Variants in DOCK5 observed in about 807,000 individuals in gnomAD.
DOCK5 encodes the protein dedicator of cytokinesis 5, also known as dedicator of cytokinesis protein 5.
A neutral mutation model predicts 251.8 loss-of-function variants in DOCK5; 142 were observed. The ratio of observed to expected loss-of-function variants is 0.56; its 90% CI spans 0.49 to 0.65. DOCK5 has a LOEUF of 0.65. Ranked by LOEUF, DOCK5 falls within the 30% of genes least tolerant of loss-of-function variation. DOCK5 has a pLI of 0.00. For synonymous variants in DOCK5, 842 were observed against 835.5 expected, an observed-to-expected ratio of 1.01 and a Z score of -0.13; for missense variants, 2,111 against 2,312.3, an observed-to-expected ratio of 0.91 and a Z score of 1.79.
intron 13 of DOCK5, 74 bp downstream of exon 13, chr8:25,310,606 A>G: frequency 2.0e-6 from 3 of 1,480,766 alleles, no homozygotes; most frequent in Non-Finnish European, 2.7e-6. Context: ...GGTGGAGGCA[A>G]CTTGGATCCA....
intron 6 of DOCK5, among the ~76,000 whole-genome samples, chr8:25,295,970 C>T (rs1480521365): frequency 6.6e-6 from 1 of 152,058 alleles, no homozygotes; most frequent in Non-Finnish European, 1.5e-5. Context: ...CAGGCGTGTG[C>T]TACTACACCT....
At chr8:25,408,238 A>G in intron 49 of DOCK5, 84 bp downstream of exon 49, 1 of 1,405,728 alleles carries the variant, frequency 7.1e-7, no homozygotes, top group Non-Finnish European at 9.5e-7. Flanking sequence ...ATCCCCTCCC[A>G]GATTGAAGCT....
chr8:25,222,019 C>T (rs951642449), intron 1 of DOCK5, among the ~76,000 whole-genome samples: 1 of 152,158 alleles, frequency 6.6e-6, no homozygotes. Context: ...TTTTCTCCTG[C>T]TGTCAGCCCT....
intron 13 of DOCK5, among the ~76,000 whole-genome samples, chr8:25,312,889 C>T (rs780064594): frequency 1.1e-4 from 16 of 152,096 alleles, no homozygotes; most frequent in Admixed American, 2.0e-4. Context: ...GAGATCATGC[C>T]GCTGCACTCC....
rs1396618421 is a variant in DOCK5 at position 25,336,103 on chromosome 8, C to G, written c.2193-136C>G. The G allele has an allele frequency of 3.2e-6, 3 of 948,224 alleles. No individual in the cohort carries two copies. In the East Asian group the frequency reaches 8.0e-5, roughly 25 times the overall value. The allele number at this position is 948,224 out of a possible 1,614,324, so 58.7% of individuals were successfully genotyped here. A position where few individuals can be genotyped will look rare whatever the true frequency, so the allele number is the denominator to read the frequency against. On this transcript the variant is annotated intron_variant, in intron 21 of 51. Coordinates refer to ENST00000276440, the MANE Select transcript of DOCK5 (RefSeq NM_024940.8). ...TTGGAAAAGAGTTAATTTTGCTGTT[C>G]AGGGCATATTCTAGAAGATATAATT...
intron 27 of DOCK5, among the ~76,000 whole-genome samples, chr8:25,353,604 C>T (rs1385873013): frequency 6.6e-6 from 1 of 151,858 alleles, no homozygotes; most frequent in Non-Finnish European, 1.5e-5. Flanking sequence ...GGGAATAAAA[C>T]CTAAAATCTA....
At chr8:25,217,079 A>G (rs1802266280) in intron 1 of DOCK5, among the ~76,000 whole-genome samples, 2 of 147,942 alleles carry the variant, frequency 1.4e-5, no homozygotes, top group Admixed American at 6.8e-5. Context: ...ATATATGTAT[A>G]TATAATATGT....
intron 11 of DOCK5, chr8:25,304,528 A>T: frequency 2.0e-6 from 1 of 493,434 alleles, no homozygotes; most frequent in Non-Finnish European, 3.6e-6. Flanking sequence ...GGTAAACTGA[A>T]CTTTCCTGAT....
intron 45 of DOCK5, among the ~76,000 whole-genome samples, chr8:25,396,686 C>T (rs958935714): frequency 2.0e-5 from 3 of 151,834 alleles, no homozygotes; most frequent in South Asian, 2.1e-4. Flanking sequence ...CCTGTGGAGC[C>T]GCCTGGAGAG....
intron 1 of DOCK5, among the ~76,000 whole-genome samples, chr8:25,205,029 T>TA (rs1301445008): frequency 6.6e-6 from 1 of 150,994 alleles, no homozygotes; most frequent in African/African-American, 2.4e-5. Context: ...TAGTGCTTTT[T>TA]TTAAAAAAAA....
chr8:25,325,841 C>T (rs911271074), intron 18 of DOCK5, among the ~76,000 whole-genome samples: 2 of 152,142 alleles, frequency 1.3e-5, no homozygotes, highest in African/African-American at 4.8e-5. Flanking sequence ...ATTCAAAAGC[C>T]GTATGTTCCC....
At chr8:25,233,197 ACTTATCTGTTTCT>A (rs1277132790) in intron 1 of DOCK5, among the ~76,000 whole-genome samples, 1 of 152,022 alleles carries the variant, frequency 6.6e-6, no homozygotes, top group Non-Finnish European at 1.5e-5. Context: ...TGTAGACTTC[ACTTATCTGTTTCT>A]CTCCTCTCAG....
chr8:25,268,838 C>CT lies in DOCK5; in HGVS notation c.128-6dup, dbSNP rs1229586380. Reference sequence around the variant, plus strand: ...AAAATATTTTGTGTTCTCTTTTGCTCTGACAGGTTGGTACAGAGGATATAC... The same window carrying CT: ...AAAATATTTTGTGTTCTCTTTTGCTCTTGACAGGTTGGTACAGAGGATATAC... On this transcript the variant is annotated splice_region_variant and splice_polypyrimidine_tract_variant and intron_variant, in intron 2 of 51. Coordinates refer to ENST00000276440, the MANE Select transcript of DOCK5 (RefSeq NM_024940.8). 15 of 1,574,722 alleles carry CT rather than the reference C, an allele frequency of 9.5e-6. No individual in the cohort carries two copies. Among genetic ancestry groups the CT allele is most frequent in the Non-Finnish European group, 1.3e-5 (15 of 1,161,222 alleles).
At chr8:25,348,829 C>G (rs1036752613) in intron 26 of DOCK5, among the ~76,000 whole-genome samples, 13 of 146,004 alleles carry the variant, frequency 8.9e-5, no homozygotes, top group Admixed American at 2.0e-4. Context: ...CAGAGCGAGA[C>G]TCTGTCTCAA....
chr8:25,227,424 T>G (rs1802558734), intron 1 of DOCK5, among the ~76,000 whole-genome samples: 1 of 152,244 alleles, frequency 6.6e-6, no homozygotes, highest in South Asian at 2.1e-4. Context: ...TTAAATCATT[T>G]GTCCTGCTAA....
chr8:25,324,896 GTTTGGTTT>G (rs1805523131), intron 17 of DOCK5, among the ~76,000 whole-genome samples: 1 of 149,144 alleles, frequency 6.7e-6, no homozygotes, highest in Non-Finnish European at 1.5e-5. Flanking sequence ...AACATGCGGT[GTTTGGTTT>G]TTTGTCCTTG....
At position 25,363,154 on chromosome 8, in the gene DOCK5, A is replaced by G. The variant is rs1356465965; in HGVS notation, c.3044+13A>G. ...TGACTCAAAACAGGTGAGACAGCCC[A>G]TGGCTGGCCCTGAGGCATTTGTCTG... On this transcript the variant is annotated intron_variant, in intron 29 of 51. Transcript: ENST00000276440. 3.7e-6 allele frequency: 6 copies of G among 1,611,216 alleles called. No homozygotes were observed. The highest frequency in any genetic ancestry group is 5.1e-6 in the Non-Finnish European group (6 of 1,177,508).
At chr8:25,374,192 G>A (rs979432185) in intron 36 of DOCK5, among the ~76,000 whole-genome samples, 4 of 152,150 alleles carry the variant, frequency 2.6e-5, no homozygotes, top group African/African-American at 7.2e-5. Flanking sequence ...GGGAAGATCC[G>A]ACTTCTTGGC....
chr8:25,271,101 T>C (rs757388204), intron 3 of DOCK5: 5 of 349,840 alleles, frequency 1.4e-5, no homozygotes, highest in Admixed American at 4.6e-5. Context: ...AATAGTGCCA[T>C]TGTTGTTGGC....
Sources: gnomAD v4.1 joint callset for allele counts (sites outside exome capture counted in the v4.1 genomes callset) on GRCh38, gnomAD v4.1.1 for gene constraint, MANE v1.5 for transcripts, NCBI Gene and HGNC (gene_info 2026-07-23, HGNC 2026-07-21) for gene names.